Variants in NXPH1 observed in about 807,000 individuals in gnomAD.
NXPH1 encodes neurexophilin-1.
A neutral mutation model predicts 23.7 loss-of-function variants in NXPH1; 5 were observed. The ratio of observed to expected loss-of-function variants is 0.21; its 90% CI spans 0.11 to 0.44. NXPH1 has a LOEUF of 0.44. Ranked by LOEUF, NXPH1 falls within the 20% of genes least tolerant of loss-of-function variation. The pLI is 0.99. For missense variants in NXPH1, 324 were observed against 321.6 expected (o/e 1.01, Z -0.06); for synonymous variants, 144 against 122.2 (o/e 1.18, Z -1.18).
intron 2 of NXPH1, among the ~76,000 whole-genome samples, chr7:8,528,044 G>C (rs1206204604): frequency 2.0e-5 from 3 of 152,216 alleles, no homozygotes; most frequent in Non-Finnish European, 4.4e-5. Context: ...ACTCATACGG[G>C]TGGTTCTTTG....
intron 2 of NXPH1, among the ~76,000 whole-genome samples, chr7:8,504,361 T>G (rs1276038981): frequency 6.6e-6 from 1 of 152,058 alleles, no homozygotes; most frequent in Non-Finnish European, 1.5e-5. Flanking sequence ...TATAATTGTA[T>G]TTTTTTCAGT....
At chr7:8,509,133 T>C (rs1191280537) in intron 2 of NXPH1, among the ~76,000 whole-genome samples, 1 of 152,150 alleles carries the variant, frequency 6.6e-6, no homozygotes, top group African/African-American at 2.4e-5. Context: ...TATCCATTAG[T>C]GCATGACTGC....
Position 8,680,418 on chromosome 7 carries a change from A to C in NXPH1, c.55-70590A>C, listed in dbSNP as rs60136480. On this transcript the variant is annotated intron_variant, in intron 2 of 2. Transcript: ENST00000405863. The stretch of plus-strand genomic sequence containing the variant: ...AAAAAGATATGCAGTCTGTTCTTCC[A>C]AGCCATATAACCTAAGATTGTAGAT... Among the ~76,000 whole-genome samples the C allele has an allele frequency of 1.6e-4, 25 of 152,304 alleles. No homozygotes were observed. In the East Asian group the frequency reaches 4.8e-3, roughly 29 times the overall value.
intron 2 of NXPH1, among the ~76,000 whole-genome samples, chr7:8,582,424 G>A (rs1432875608): frequency 6.6e-6 from 1 of 152,200 alleles, no homozygotes; most frequent in Non-Finnish European, 1.5e-5. Flanking sequence ...GCAAGGTGGA[G>A]AGGAGCTTCA....
At chr7:8,523,994 C>T (rs975114393) in intron 2 of NXPH1, among the ~76,000 whole-genome samples, 1 of 152,064 alleles carries the variant, frequency 6.6e-6, no homozygotes, top group African/African-American at 2.4e-5. Flanking sequence ...CCTGTAATCC[C>T]AGCACTTTGG....
At chr7:8,538,402 A>G (rs1563339590) in intron 2 of NXPH1, among the ~76,000 whole-genome samples, 1 of 151,950 alleles carries the variant, frequency 6.6e-6, no homozygotes, top group African/African-American at 2.4e-5. Context: ...CCTTAGGGGT[A>G]GGATAAAACC....
At chr7:8,736,021 CT>C (rs1780248519) in intron 2 of NXPH1, among the ~76,000 whole-genome samples, 1 of 152,048 alleles carries the variant, frequency 6.6e-6, no homozygotes, top group African/African-American at 2.4e-5. Context: ...CGATTCTTCT[CT>C]TTTATTCTTT....
At chr7:8,464,013 T>C (rs537213768) in intron 2 of NXPH1, among the ~76,000 whole-genome samples, 1 of 152,220 alleles carries the variant, frequency 6.6e-6, no homozygotes, top group African/African-American at 2.4e-5. Context: ...GAGACGTCTC[T>C]CCTCTTCCTC....
chr7:8,690,434 A>T (rs1821206183), intron 2 of NXPH1: 1 of 152,234 alleles, frequency 6.6e-6, no homozygotes, highest in Non-Finnish European at 1.5e-5. Flanking sequence ...GTTTTTAAAG[A>T]TATCTATGAT....
chr7:8,524,592 T>A (rs751603622), intron 2 of NXPH1, among the ~76,000 whole-genome samples: 116 of 152,216 alleles, frequency 7.6e-4, no homozygotes, highest in Non-Finnish European at 1.4e-3. Context: ...GGTTTAGCTC[T>A]GTCTCCACCC....
At chr7:8,541,948 A>G (rs1289164000) in intron 2 of NXPH1, among the ~76,000 whole-genome samples, 1 of 151,554 alleles carries the variant, frequency 6.6e-6, no homozygotes, top group East Asian at 1.9e-4. Context: ...GAAAGAACAG[A>G]TAGAACATTT....
chr7:8,707,836 A>G (rs1779727533), intron 2 of NXPH1, among the ~76,000 whole-genome samples: 1 of 152,154 alleles, frequency 6.6e-6, no homozygotes, highest in Non-Finnish European at 1.5e-5. Context: ...ACTCACTTCA[A>G]AAAAAGAAAT....
chr7:8,642,766 C>A (rs1820338061), intron 2 of NXPH1, among the ~76,000 whole-genome samples: 2 of 152,154 alleles, frequency 1.3e-5, no homozygotes. Context: ...AGAATAGTAA[C>A]TGCAAACAGC....
chr7:8,461,006 G>A (rs1419914707), intron 2 of NXPH1, among the ~76,000 whole-genome samples: 1 of 152,062 alleles, frequency 6.6e-6, no homozygotes, highest in African/African-American at 2.4e-5. Flanking sequence ...TCAATATTAG[G>A]TATTAAAAAA....
At chr7:8,550,257 A>T (rs1217934349) in intron 2 of NXPH1, among the ~76,000 whole-genome samples, 1 of 151,604 alleles carries the variant, frequency 6.6e-6, no homozygotes, top group African/African-American at 2.4e-5. Context: ...ACAATTAGTG[A>T]TTCCAGAGGG....
intron 2 of NXPH1, among the ~76,000 whole-genome samples, chr7:8,508,502 C>T (rs1033974791): frequency 6.6e-5 from 10 of 152,104 alleles, no homozygotes; most frequent in East Asian, 1.9e-4. Context: ...GCTATATTAT[C>T]GTTAAAGAGT....
intron 2 of NXPH1, among the ~76,000 whole-genome samples, chr7:8,454,606 C>A (rs964403134): frequency 2.0e-5 from 3 of 152,116 alleles, no homozygotes; most frequent in African/African-American, 7.2e-5. Context: ...CTCTTTCTGG[C>A]CCCCACCGTA....
At chr7:8,449,706 A>G (rs1055759901) in intron 2 of NXPH1, among the ~76,000 whole-genome samples, 7 of 152,308 alleles carry the variant, frequency 4.6e-5, no homozygotes, top group Non-Finnish European at 1.5e-5. Context: ...TTTGTGTTGG[A>G]GAGTCTCATA....
At chr7:8,718,363 T>G (rs534150238) in intron 2 of NXPH1, among the ~76,000 whole-genome samples, 1 of 152,182 alleles carries the variant, frequency 6.6e-6, no homozygotes, top group Admixed American at 6.5e-5. Context: ...AATTGGTTCT[T>G]GACAAACGTT....
Sources: allele counts gnomAD v4.1 joint callset (sites outside exome capture counted in the v4.1 genomes callset), GRCh38; gene constraint gnomAD v4.1.1; transcripts MANE v1.5; gene names NCBI Gene and HGNC (gene_info 2026-07-23, HGNC 2026-07-21).